The following BLVRA variants were observed in gnomAD, a reference collection of about 807,000 sequenced individuals.
BLVRA encodes the protein biliverdin reductase A.
A neutral mutation model predicts 32.8 loss-of-function variants in BLVRA; 22 were observed. The ratio of observed to expected loss-of-function variants is 0.67; its 90% confidence interval spans 0.48 to 0.96. The LOEUF is 0.96. BLVRA is among the 40% of genes least tolerant of loss of function. The probability of loss-of-function intolerance (pLI) is 0.00; values close to 1 mark genes in which losing one functional copy is unlikely to be tolerated. For missense variants in BLVRA, 323 were observed against 358.1 expected (o/e 0.90, Z 0.79); for synonymous variants, 119 against 141.3 (o/e 0.84, Z 1.12).
chr7:43,789,751 C>G (rs905243552), intron 3 of BLVRA, among the ~76,000 whole-genome samples: 20 of 152,134 alleles, frequency 1.3e-4, no homozygotes, highest in African/African-American at 4.8e-4. Flanking sequence ...CCTTCCTGAC[C>G]TACCTGCTAA....
chr7:43,772,665 A>G (rs377559632), intron 2 of BLVRA, among the ~76,000 whole-genome samples: 1 of 152,246 alleles, frequency 6.6e-6, no homozygotes, highest in African/African-American at 2.4e-5. Flanking sequence ...GGAAACAACA[A>G]TTATGGTGGA....
chr7:43,779,736 C>T (rs2095766540), intron 2 of BLVRA, among the ~76,000 whole-genome samples: 1 of 152,104 alleles, frequency 6.6e-6, no homozygotes, highest in Non-Finnish European at 1.5e-5. Flanking sequence ...GCTTATACAC[C>T]CTGGTCCAGG....
intron 3 of BLVRA, 27 bp downstream of exon 3, chr7:43,788,052 T>C (rs369440039): frequency 1.3e-5 from 21 of 1,614,194 alleles, no homozygotes; most frequent in Non-Finnish European, 1.8e-5. Context: ...TTGTGCTTCA[T>C]AATTCATGGA....
chr7:43,761,561 CTTCA>C (rs200838410), intron 1 of BLVRA, among the ~76,000 whole-genome samples: 5 of 152,044 alleles, frequency 3.3e-5, no homozygotes, highest in African/African-American at 9.7e-5. Context: ...TACATGGCAA[CTTCA>C]TTCATTCATT....
intron 7 of BLVRA, among the ~76,000 whole-genome samples, chr7:43,806,326 A>G (rs2095804043): frequency 6.6e-6 from 1 of 151,974 alleles, no homozygotes; most frequent in Admixed American, 6.6e-5. Context: ...AGACATGAGA[A>G]ATTTTCTTAG....
chr7:43,782,899 T>A (rs1381207258), intron 2 of BLVRA, among the ~76,000 whole-genome samples: 1 of 151,548 alleles, frequency 6.6e-6, no homozygotes, highest in African/African-American at 2.4e-5. Context: ...TGACCCACGG[T>A]GAAGCAGGGA....
chr7:43,780,776 A>G (rs1016935187), intron 2 of BLVRA, among the ~76,000 whole-genome samples: 1 of 152,208 alleles, frequency 6.6e-6, no homozygotes, highest in African/African-American at 2.4e-5. Flanking sequence ...CAACTATTCT[A>G]ATGAATTAAG....
intron 2 of BLVRA, among the ~76,000 whole-genome samples, chr7:43,771,389 A>C (rs1469952951): frequency 1.3e-5 from 2 of 152,072 alleles, no homozygotes; most frequent in Non-Finnish European, 2.9e-5. Flanking sequence ...GAACTTACCC[A>C]CTGCAGCTAA....
intron 2 of BLVRA, among the ~76,000 whole-genome samples, chr7:43,784,104 T>G (rs2095773840): frequency 6.6e-6 from 1 of 152,166 alleles, no homozygotes. Flanking sequence ...CTAAGTGAGT[T>G]TTTTAGTCAC....
intron 1 of BLVRA, chr7:43,767,439 AATCTT>A (rs2132547191): frequency 1.9e-6 from 3 of 1,555,080 alleles, no homozygotes; most frequent in Non-Finnish European, 2.7e-6. Flanking sequence ...TTCACAACTA[AATCTT>A]ATATATCTGG....
intron 2 of BLVRA, among the ~76,000 whole-genome samples, chr7:43,781,559 A>G (rs1383786931): frequency 2.0e-5 from 3 of 151,592 alleles, no homozygotes; most frequent in African/African-American, 7.3e-5. Context: ...CTGGTCTTGA[A>G]CTCCTGACCT....
chr7:43,784,975 G>C (rs1034940979), intron 2 of BLVRA, among the ~76,000 whole-genome samples: 1 of 152,102 alleles, frequency 6.6e-6, no homozygotes, highest in Non-Finnish European at 1.5e-5. Flanking sequence ...AAATCCTAAA[G>C]CAGTTTATAA....
chr7:43,769,425 T>C (rs189060480), intron 1 of BLVRA, among the ~76,000 whole-genome samples: 1 of 152,234 alleles, frequency 6.6e-6, no homozygotes, highest in Non-Finnish European at 1.5e-5. Context: ...ATTCTGCTTT[T>C]TGGAGTTTTT....
chr7:43,767,301 A>C lies in BLVRA; in HGVS notation c.-21-3837A>C, dbSNP rs2095749287. 78 of 1,242,712 alleles carry C rather than the reference A, an allele frequency of 6.3e-5. 2 individuals carry two copies. The South Asian group carries it at 7.9e-4, about 13-fold the overall frequency. 77.0% of individuals were successfully genotyped at this position (1,242,712 alleles called of 1,614,324 possible). Reference sequence around the variant, plus strand: ...AGCACAACTACACTGTGGAGCACCCAGATAAAGTGGCGCTGAACGCACTGC... The same window carrying C: ...AGCACAACTACACTGTGGAGCACCCCGATAAAGTGGCGCTGAACGCACTGC... On this transcript the variant is annotated intron_variant, in intron 1 of 7. Coordinates refer to ENST00000265523, the MANE Select transcript of BLVRA (RefSeq NM_000712.4).
chr7:43,765,481 G>A (rs1585709684), intron 1 of BLVRA, among the ~76,000 whole-genome samples: 1 of 152,012 alleles, frequency 6.6e-6, no homozygotes, highest in Admixed American at 6.6e-5. Context: ...TGAACTCCTG[G>A]CCTCAAGTGA....
intron 2 of BLVRA, among the ~76,000 whole-genome samples, chr7:43,775,803 T>C (rs951482384): frequency 6.6e-6 from 1 of 152,238 alleles, no homozygotes; most frequent in East Asian, 1.9e-4. Flanking sequence ...TATTGATTAT[T>C]GCCACAATTT....
At chr7:43,760,144 G>C (rs1180614458) in intron 1 of BLVRA, 2 of 151,958 alleles carry the variant, frequency 1.3e-5, no homozygotes, top group South Asian at 2.1e-4. Context: ...CAAAGTGCTG[G>C]GATTATAACA....
intron 4 of BLVRA, 78 bp from the exon 5 acceptor site, chr7:43,792,637 C>A: frequency 7.3e-7 from 1 of 1,363,124 alleles, no homozygotes; most frequent in Non-Finnish European, 1.0e-6. Flanking sequence ...TTATAACATT[C>A]TGTTCTCTAT....
At chr7:43,788,865 C>T (rs1226717750) in intron 3 of BLVRA, among the ~76,000 whole-genome samples, 5 of 151,672 alleles carry the variant, frequency 3.3e-5, no homozygotes, top group African/African-American at 1.2e-4. Flanking sequence ...TCTCAAACTC[C>T]TGGGGTCAAG....
Sources: allele counts gnomAD v4.1 joint callset (sites outside exome capture counted in the v4.1 genomes callset), GRCh38; gene constraint gnomAD v4.1.1; transcripts MANE v1.5; gene names NCBI Gene and HGNC (gene_info 2026-07-23, HGNC 2026-07-21).